FBXW10: variants seen among roughly 807,000 people sequenced by gnomAD.
The protein encoded by FBXW10 is F-box/WD repeat-containing protein 10.
In FBXW10, 68 loss-of-function variants were observed where a neutral mutation model predicts 113.1. That is an observed-to-expected ratio of 0.60 (90% confidence interval 0.49 to 0.74). The LOEUF (loss-of-function observed/expected upper bound fraction) is 0.74, where lower values mean the gene tolerates loss of function less well. Among genes scored for constraint, FBXW10 ranks in the 30% least tolerant of loss-of-function variants. The pLI, the probability that FBXW10 is intolerant of heterozygous loss-of-function variation, is 0.00. For missense variants in FBXW10, 753 were observed against 1,284.5 expected, an observed-to-expected ratio of 0.59 and a Z score of 6.32; for synonymous variants, 289 against 481.6, an observed-to-expected ratio of 0.60 and a Z score of 5.24.
intron 5 of FBXW10, among the ~76,000 whole-genome samples, chr17:18,755,461 A>G (rs1349651648): frequency 6.6e-6 from 1 of 152,154 alleles, no homozygotes; most frequent in Non-Finnish European, 1.5e-5. Context: ...AGGCTGAGGC[A>G]GGAGAATCAC....
intron 9 of FBXW10, among the ~76,000 whole-genome samples, chr17:18,767,637 T>C (rs1160244290): frequency 6.6e-6 from 1 of 152,142 alleles, no homozygotes; most frequent in Non-Finnish European, 1.5e-5. Context: ...CCCCTAGCCT[T>C]AGCGGGTGGT....
At chr17:18,748,215 C>G (rs369941747) in intron 2 of FBXW10, 110 bp downstream of exon 2, 11 of 1,502,610 alleles carry the variant, frequency 7.3e-6, no homozygotes, top group Admixed American at 6.6e-5. Context: ...GTCAGGAGAT[C>G]GAGACCATCC....
At chr17:18,751,350 T>C (rs957748189) in intron 5 of FBXW10, among the ~76,000 whole-genome samples, 23 of 151,848 alleles carry the variant, frequency 1.5e-4, no homozygotes, top group African/African-American at 4.8e-4. Flanking sequence ...CTCAGCCTCC[T>C]GAGTAGCTGG....
At position 18,758,423 on chromosome 17, in the gene FBXW10, G is replaced by C; in HGVS notation, c.1351G>C (p.Gly451Arg). 1 of 1,611,022 alleles carries C rather than the reference G, an allele frequency of 6.2e-7. No individual in the cohort carries two copies. Among genetic ancestry groups the C allele is most frequent in the South Asian group, 1.1e-5 (1 of 90,838 alleles). Residue 451 changes from glycine (G) to arginine (R), a missense_variant, in exon 7 of 14, where the codon GGC becomes CGC. Coordinates refer to ENST00000395665, the MANE Select transcript of FBXW10 (RefSeq NM_001267585.2). ...QVKAIPVEFR[G>R]HAGSVRALFL... is the part of the protein sequence containing the mutation. ...GAAAGCGATACCCGTTGAATTCCGA[G>C]GCCATGCTGGGAGTGTCCGGGCCCT...
At chr17:18,748,388 G>T (rs1285981754) in intron 2 of FBXW10, among the ~76,000 whole-genome samples, 1 of 134,900 alleles carries the variant, frequency 7.4e-6, no homozygotes, top group Non-Finnish European at 1.6e-5. Flanking sequence ...TCCAGCCTGG[G>T]CAACAGAGCG....
Position 18,772,654 on chromosome 17 carries a change from T to C in FBXW10, c.2249T>C (p.Val750Ala). The C allele has an allele frequency of 1.4e-5, 22 of 1,613,288 alleles. No homozygotes were observed. The highest frequency in any genetic ancestry group is 1.9e-5 in the Non-Finnish European group (22 of 1,179,842). The change falls in exon 12 of 14, where the codon GTA (valine) becomes GCA (alanine). Residue 750 changes from valine to alanine, a missense_variant. Transcript: ENST00000395665. ...LLPGKPPKSR[V>A]LLKPAKFSSA... ...CCAGGCAAACCTCCCAAGTCCCGAG[T>C]ACTCCTGAAGCCGGCCAAGTTCTCT...
intron 1 of FBXW10, among the ~76,000 whole-genome samples, chr17:18,746,175 T>C (rs71367484): frequency 2.6e-5 from 4 of 152,202 alleles, no homozygotes; most frequent in Non-Finnish European, 4.4e-5. Context: ...GGCACCAAGC[T>C]ATTCATGAGG....
In FBXW10 at chr17:18,779,106, C is replaced by T. The variant is rs1380595647; in HGVS notation, c.2967C>T (p.Thr989=). Residue 989 remains threonine, a synonymous_variant, in exon 14 of 14, where the codon ACC becomes ACT. Coordinates refer to ENST00000395665, the MANE Select transcript of FBXW10 (RefSeq NM_001267585.2). ...TGAACACTGAGTTCGTGCTGTTGAC[C>T]GTGAAGGAGGAGAAGGAGCACCAGG... ...FRVNTEFVLL[T]VKEEKEHQEA... is the part of the protein sequence containing the mutation. 13 of 1,348,380 alleles carry T rather than the reference C, an allele frequency of 9.6e-6. 3 individuals are homozygous for T. Among genetic ancestry groups the T allele is most frequent in the East Asian group, 2.3e-5 (1 of 43,828 alleles). The allele number at this position is 1,348,380 out of a possible 1,614,324, so 83.5% of individuals were successfully genotyped here.
Position 18,766,696 on chromosome 17 carries a change from T to C in FBXW10, c.1556-18T>C. 6.2e-7 allele frequency: 1 copy of C among 1,612,094 alleles called. No homozygotes were observed. The highest frequency in any genetic ancestry group is 8.5e-7 in the Non-Finnish European group (1 of 1,178,496). ...TTTTCCCCACTCCCATGTCTTCCTCTCTCTCCCTCCTGTTCAGTATGGGAT... is the reference window on the plus strand; with the variant it reads ...TTTTCCCCACTCCCATGTCTTCCTCCCTCTCCCTCCTGTTCAGTATGGGAT... On this transcript the variant is annotated intron_variant, in intron 8 of 13. Coordinates refer to ENST00000395665, the MANE Select transcript of FBXW10 (RefSeq NM_001267585.2).
At chr17:18,775,907 C>T (rs2035689349) in intron 13 of FBXW10, among the ~76,000 whole-genome samples, 1 of 152,022 alleles carries the variant, frequency 6.6e-6, no homozygotes, top group South Asian at 2.1e-4. Context: ...GCACGCACCT[C>T]CTAGCTACTC....
chr17:18,770,397 G>GGA (rs1350600120), intron 11 of FBXW10, among the ~76,000 whole-genome samples: 1 of 151,434 alleles, frequency 6.6e-6, no homozygotes. Flanking sequence ...TCCGCCTCCC[G>GGA]GGTTCAAGCA....
intron 8 of FBXW10, among the ~76,000 whole-genome samples, 157 bp downstream of exon 8, chr17:18,765,020 T>A (rs1241463639): frequency 1.3e-5 from 2 of 152,110 alleles, no homozygotes; most frequent in African/African-American, 4.8e-5. Flanking sequence ...TCCTTCCATC[T>A]ATCAATCAAT....
At chr17:18,747,212 C>G (rs1430001397) in intron 1 of FBXW10, among the ~76,000 whole-genome samples, 1 of 152,150 alleles carries the variant, frequency 6.6e-6, no homozygotes, top group Non-Finnish European at 1.5e-5. Context: ...AGGCATGAAC[C>G]ATCACGCCGG....
At chr17:18,776,643 C>T (rs529349812) in intron 13 of FBXW10, among the ~76,000 whole-genome samples, 1 of 152,260 alleles carries the variant, frequency 6.6e-6, no homozygotes, top group South Asian at 2.1e-4. Context: ...AAGATATTGC[C>T]AAGGTTGTCC....
At chr17:18,766,935 C>A (rs2035509405) in intron 9 of FBXW10, 73 bp downstream of exon 9, 1 of 1,459,604 alleles carries the variant, frequency 6.9e-7, no homozygotes, top group Admixed American at 1.9e-5. Flanking sequence ...CTACCTAGCT[C>A]CTCAGGTCAT....
chr17:18,778,568 T>C lies in FBXW10; in HGVS notation c.2429T>C (p.Met810Thr). ...AAGAAAAAGTCTTGGAAAATCCCTA[T>C]GTCACCTGACCAATTCCTCCTGACT... ...HPKKKSWKIP[M>T]SPDQFLLTVS... The change falls in exon 14 of 14, where the codon ATG becomes ACG. Residue 810 changes from methionine to threonine, a missense_variant. Transcript: ENST00000395665. 2.5e-6 allele frequency: 4 copies of C among 1,614,024 alleles called. No individual in the cohort carries two copies. The highest frequency in any genetic ancestry group is 3.4e-6 in the Non-Finnish European group (4 of 1,179,872).
chr17:18,772,417 T>C lies in FBXW10; in HGVS notation c.2012T>C (p.Val671Ala). The part of the protein sequence containing the change: ...LSFFIQGNRM[V>A]VNTESNVLMF... ...CCCTGTTGTTTCGGTTCCAGGATGG[T>C]GGTCAACACAGAGAGCAATGTTCTC... The change falls in exon 12 of 14, where the codon GTG (valine) becomes GCG (alanine). Residue 671 changes from valine to alanine, a missense_variant. Transcript: ENST00000395665. The C allele has an allele frequency of 3.1e-6, 5 of 1,613,120 alleles. No individual in the cohort carries two copies. Among genetic ancestry groups the C allele is most frequent in the Non-Finnish European group, 4.2e-6 (5 of 1,179,546 alleles).
At position 18,775,145 on chromosome 17, in the gene FBXW10, T is replaced by G. The variant is rs546205050; in HGVS notation, c.2288T>G (p.Ile763Arg). The change falls in exon 13 of 14, where the codon ATA (isoleucine) becomes AGA (arginine). Residue 763 changes from isoleucine to arginine, a missense_variant. Transcript: ENST00000395665. ...KPAKFSSAVL[I>R]EELQSQGKSK... The stretch of plus-strand genomic sequence containing the variant: ...CTCAATCTCAATTTAGCAGTGTTAA[T>G]AGAGGAACTTCAAAGTCAAGGAAAG... The G allele has an allele frequency of 2.5e-6, 4 of 1,608,464 alleles. No homozygotes were observed. In the African/African-American group the frequency reaches 5.3e-5, roughly 21 times the overall value.
At chr17:18,744,906 C>T in intron 1 of FBXW10, 157 bp downstream of exon 1, 1 of 1,462,798 alleles carries the variant, frequency 6.8e-7, no homozygotes, top group Non-Finnish European at 9.0e-7. Context: ...GTCCTGACAC[C>T]CGATCCTGTT....
Sources: gnomAD v4.1 joint callset for allele counts (sites outside exome capture counted in the v4.1 genomes callset) on GRCh38, gnomAD v4.1.1 for gene constraint, MANE v1.5 for transcripts, NCBI Gene and HGNC (gene_info 2026-07-23, HGNC 2026-07-21) for gene names.